KSR2: variants seen among roughly 807,000 people sequenced by gnomAD.
The protein encoded by KSR2 is kinase suppressor of ras 2.
KSR2 carries 25 observed loss-of-function variants against 107.8 expected under a neutral mutation model. The observed-to-expected ratio is 0.23, with a 90% confidence interval of 0.17 to 0.32. KSR2 has a LOEUF of 0.32. Ranked by LOEUF, KSR2 falls within the 10% of genes least tolerant of loss-of-function variation. The probability of loss-of-function intolerance (pLI) is 1.00; values close to 1 mark genes in which losing one functional copy is unlikely to be tolerated. For missense variants in KSR2, 887 were observed against 1,268.9 expected, an observed-to-expected ratio of 0.70 and a Z score of 4.57; for synonymous variants, 480 against 507.0, an observed-to-expected ratio of 0.95 and a Z score of 0.71.
intron 14 of KSR2, among the ~76,000 whole-genome samples, chr12:117,511,241 G>A (rs972022007): frequency 6.6e-5 from 10 of 152,184 alleles, no homozygotes; most frequent in African/African-American, 1.9e-4. Flanking sequence ...AGGCACTGGC[G>A]GACACACAGG....
chr12:117,696,650 G>T (rs1444141177), intron 4 of KSR2, among the ~76,000 whole-genome samples: 1 of 152,084 alleles, frequency 6.6e-6, no homozygotes, highest in Non-Finnish European at 1.5e-5. Context: ...GCATTGGGTT[G>T]GATAGTGCCA....
At chr12:117,647,398 C>A (rs1487726293) in intron 5 of KSR2, among the ~76,000 whole-genome samples, 3 of 152,164 alleles carry the variant, frequency 2.0e-5, no homozygotes, top group African/African-American at 4.8e-5. Flanking sequence ...TCAGATCCTG[C>A]CCACAGACTG....
At chr12:117,833,188 C>T (rs879631032) in intron 3 of KSR2, among the ~76,000 whole-genome samples, 10 of 152,132 alleles carry the variant, frequency 6.6e-5, no homozygotes, top group South Asian at 2.1e-4. Flanking sequence ...TTACAAGGGA[C>T]GGGACAACTC....
intron 1 of KSR2, among the ~76,000 whole-genome samples, chr12:117,957,987 A>AG (rs1896563935): frequency 6.6e-6 from 1 of 152,010 alleles, no homozygotes; most frequent in East Asian, 1.9e-4. Flanking sequence ...ATGTGCCCCC[A>AG]CACCAGCTAA....
intron 1 of KSR2, among the ~76,000 whole-genome samples, chr12:117,936,434 C>T (rs1300527676): frequency 6.6e-6 from 1 of 152,126 alleles, no homozygotes; most frequent in African/African-American, 2.4e-5. Flanking sequence ...TCATGTGATC[C>T]TCCCACCTCG....
At chr12:117,672,158 G>A (rs541675656) in intron 4 of KSR2, among the ~76,000 whole-genome samples, 21 of 152,164 alleles carry the variant, frequency 1.4e-4, no homozygotes, top group Non-Finnish European at 2.9e-4. Flanking sequence ...GCGGTGGGGG[G>A]AGGGGTGCCA....
intron 1 of KSR2, among the ~76,000 whole-genome samples, chr12:117,860,789 G>A (rs1440002164): frequency 6.6e-6 from 1 of 152,136 alleles, no homozygotes; most frequent in East Asian, 1.9e-4. Context: ...CGTGATCTCT[G>A]CTCAGTGCAA....
chr12:117,900,374 CT>C (rs1894645291), intron 1 of KSR2, among the ~76,000 whole-genome samples: 1 of 152,152 alleles, frequency 6.6e-6, no homozygotes, highest in South Asian at 2.1e-4. Flanking sequence ...AGAAAGAAAC[CT>C]TGATAGCAGC....
At position 117,466,119 on chromosome 12, in the gene KSR2, T is replaced by A. The variant is rs943882671; in HGVS notation, c.*1080A>T. ...TGTAACAAACATCCTCCCTTTGTGC[T>A]CCCCCAACAGGACTCCTCAAGGGTG... is the stretch of plus-strand genomic sequence containing the variant. On this transcript the variant is annotated 3_prime_UTR_variant, in exon 20 of 20. Coordinates refer to ENST00000339824, the MANE Select transcript of KSR2 (RefSeq NM_173598.6). 17 of 152,104 alleles carry A rather than the reference T, an allele frequency of 1.1e-4. No homozygotes were observed. The highest frequency in any genetic ancestry group is 1.1e-3 in the Admixed American group (17 of 15,258). 9.4% of individuals were successfully genotyped at this position (152,104 alleles called of 1,614,324 possible). A position where few individuals can be genotyped will look rare whatever the true frequency, so the allele number is the denominator to read the frequency against.
At chr12:117,670,524 T>C (rs538175545) in intron 4 of KSR2, among the ~76,000 whole-genome samples, 1 of 152,196 alleles carries the variant, frequency 6.6e-6, no homozygotes, top group South Asian at 2.1e-4. Context: ...CCCTACATCA[T>C]CACCCACCCC....
At chr12:117,914,212 C>T (rs549541289) in intron 1 of KSR2, among the ~76,000 whole-genome samples, 10 of 152,106 alleles carry the variant, frequency 6.6e-5, no homozygotes, top group South Asian at 4.2e-4. Context: ...CCAGATTGCT[C>T]GAGCCCAGGA....
intron 14 of KSR2, among the ~76,000 whole-genome samples, chr12:117,506,812 T>C (rs995275143): frequency 2.0e-5 from 3 of 152,100 alleles, no homozygotes; most frequent in Admixed American, 6.5e-5. Flanking sequence ...TGTCAGTAGA[T>C]CAATAGATAG....
intron 14 of KSR2, among the ~76,000 whole-genome samples, chr12:117,519,872 A>G (rs1874633462): frequency 6.6e-6 from 1 of 152,118 alleles, no homozygotes; most frequent in East Asian, 1.9e-4. Context: ...AACACCGGAA[A>G]ATCAAGGCTA....
chr12:117,594,716 AAG>A (rs1489773607), intron 5 of KSR2, among the ~76,000 whole-genome samples: 1 of 152,168 alleles, frequency 6.6e-6, no homozygotes, highest in Non-Finnish European at 1.5e-5. Flanking sequence ...CCCCCGCAAC[AAG>A]AGTTAAACCA....
intron 3 of KSR2, among the ~76,000 whole-genome samples, chr12:117,832,556 G>C (rs534786063): frequency 1.3e-4 from 20 of 152,224 alleles, no homozygotes; most frequent in South Asian, 4.1e-4. Context: ...GAAGATGCAG[G>C]TATTGTTGCA....
intron 5 of KSR2, among the ~76,000 whole-genome samples, chr12:117,611,470 C>CACACACACACACACA: frequency 4.9e-5 from 1 of 20,244 alleles, no homozygotes; most frequent in Admixed American, 5.5e-4. Flanking sequence ...ACACGTGTAT[C>CACACACACACACACA]CACTGCAGAT....
In KSR2 at chr12:117,476,517, G is replaced by A; in HGVS notation, c.2529C>T (p.Asp843=). The change falls in exon 17 of 20, where the codon GAC becomes GAT. Residue 843 remains aspartate, a synonymous_variant. Coordinates refer to ENST00000339824, the MANE Select transcript of KSR2 (RefSeq NM_173598.6). ...APEIIRQLSP[D]TEEDKLPFSK... is the part of the protein sequence containing the mutation. ...AGAAGGGGAGCTTATCCTCCTCTGT[G>A]TCGGGGGACAGCTGGCGGATGATCT... is the stretch of plus-strand genomic sequence containing the variant. 6.2e-7 allele frequency: 1 copy of A among 1,608,868 alleles called. No homozygotes were observed. Among genetic ancestry groups the A allele is most frequent in the Non-Finnish European group, 8.5e-7 (1 of 1,177,798 alleles).
intron 4 of KSR2, among the ~76,000 whole-genome samples, chr12:117,699,132 C>A (rs1224631745): frequency 6.6e-6 from 1 of 152,168 alleles, no homozygotes; most frequent in African/African-American, 2.4e-5. Flanking sequence ...GTCTATCTCC[C>A]CTCATCAAGC....
chr12:117,455,921 G>A lies in KSR2; in HGVS notation c.*11278C>T, dbSNP rs1005031840. 8 of 152,188 alleles carry A rather than the reference G, an allele frequency of 5.3e-5. No individual in the cohort carries two copies. Among genetic ancestry groups the A allele is most frequent in the African/African-American group, 1.7e-4 (7 of 41,454 alleles). The allele number at this position is 152,188 out of a possible 1,614,324, so 9.4% of individuals were successfully genotyped here. On this transcript the variant is annotated 3_prime_UTR_variant, in exon 20 of 20. Coordinates refer to ENST00000339824, the MANE Select transcript of KSR2 (RefSeq NM_173598.6). The stretch of plus-strand genomic sequence containing the variant: ...CATGGAGAACAGAGACTCCAAATTG[G>A]ATGCCATCTTGGAAGTGGAGTCAGA...
Sources: gnomAD v4.1 joint callset for allele counts (sites outside exome capture counted in the v4.1 genomes callset) on GRCh38, gnomAD v4.1.1 for gene constraint, MANE v1.5 for transcripts, NCBI Gene and HGNC (gene_info 2026-07-23, HGNC 2026-07-21) for gene names.